The following ST7 variants were observed in gnomAD, a reference collection of about 807,000 sequenced individuals.
ST7 encodes suppression of tumorigenicity 7, also known as suppressor of tumorigenicity 7 protein.
Under a neutral mutation model 78.7 loss-of-function variants are expected in ST7, and 28 were observed. That is an observed-to-expected ratio of 0.36 (90% CI 0.26 to 0.49). The LOEUF (loss-of-function observed/expected upper bound fraction) is 0.49, where lower values mean the gene tolerates loss of function less well. Ranked by LOEUF, ST7 falls within the 20% of genes least tolerant of loss-of-function variation. ST7 has a pLI of 0.99. For missense variants in ST7, 418 were observed against 696.0 expected (o/e 0.60, Z 4.49); for synonymous variants, 247 against 249.6 (o/e 0.99, Z 0.10).
At chr7:117,011,359 G>T (rs1031522289) in intron 1 of ST7, among the ~76,000 whole-genome samples, 1 of 152,138 alleles carries the variant, frequency 6.6e-6, no homozygotes, top group Non-Finnish European at 1.5e-5. Flanking sequence ...AGGGGACAGT[G>T]GGGGCTAGAA....
rs1045948624 is a variant in ST7, at chr7:117,001,906, T to G, written c.151+48215T>G. ...GGGAAAGTACATGGACAAGACATTA[T>G]GTGTTATGAACATACTTTCTTTTTA... is the stretch of plus-strand genomic sequence containing the variant. On this transcript the variant is annotated intron_variant, in intron 1 of 15. Coordinates refer to ENST00000323984, the MANE Select transcript of ST7 (RefSeq NM_001369598.1). Among the ~76,000 whole-genome samples, 3 of 152,190 alleles carry G rather than the reference T, an allele frequency of 2.0e-5. No homozygotes were observed. The East Asian group carries it at 5.8e-4, about 29-fold the overall frequency.
chr7:117,190,108 T>G lies in ST7; in HGVS notation c.1151+715T>G, dbSNP rs1222040183. 1 of 166,888 alleles carries G rather than the reference T, an allele frequency of 6.0e-6. No individual in the cohort carries two copies. The highest frequency in any genetic ancestry group is 1.5e-5 in the Non-Finnish European group (1 of 68,180). 10.3% of individuals were successfully genotyped at this position (166,888 alleles called of 1,614,324 possible). Reference sequence around the variant, plus strand: ...GTACACTTCAAGACCAAAGTAATTTTCTTTCATTCTTTTTTATCCTGTAGA... The same window carrying G: ...GTACACTTCAAGACCAAAGTAATTTGCTTTCATTCTTTTTTATCCTGTAGA... On this transcript the variant is annotated intron_variant, in intron 11 of 15. Transcript: ENST00000323984. The surrounding 1 kb of genome is among the most constrained non-coding windows in gnomAD (Gnocchi z 5.2).
chr7:117,114,837 T>C (rs1296681627), intron 2 of ST7, among the ~76,000 whole-genome samples: 1 of 152,202 alleles, frequency 6.6e-6, no homozygotes, highest in Non-Finnish European at 1.5e-5. Context: ...GCAAGATTGA[T>C]GGAAAGGCCT....
At chr7:116,958,154 C>A (rs994730046) in intron 1 of ST7, among the ~76,000 whole-genome samples, 2 of 137,876 alleles carry the variant, frequency 1.5e-5, no homozygotes, top group Non-Finnish European at 3.1e-5. Context: ...CACCACAGTG[C>A]GTGGCTAATT....
At chr7:117,175,689 A>C (rs1808295665) in intron 10 of ST7, among the ~76,000 whole-genome samples, 2 of 152,226 alleles carry the variant, frequency 1.3e-5, no homozygotes, top group African/African-American at 4.8e-5. Flanking sequence ...TAACTTGCCC[A>C]AGATCACACA....
chr7:117,021,088 T>C (rs1313827536), intron 1 of ST7, among the ~76,000 whole-genome samples: 1 of 152,182 alleles, frequency 6.6e-6, no homozygotes, highest in Non-Finnish European at 1.5e-5. Context: ...AACATAGACA[T>C]TATAGGTAGA....
intron 12 of ST7, among the ~76,000 whole-genome samples, chr7:117,195,684 C>G (rs773151299): frequency 6.6e-6 from 1 of 152,180 alleles, no homozygotes; most frequent in Non-Finnish European, 1.5e-5. Context: ...TGAAAACTCA[C>G]TCACTATCAT....
At chr7:117,135,952 G>A in intron 7 of ST7, 129 bp from the exon 8 acceptor site, 1 of 878,228 alleles carries the variant, frequency 1.1e-6, no homozygotes, top group East Asian at 2.5e-5. Flanking sequence ...ACTACAAACA[G>A]GAGTGCATGA....
chr7:116,979,031 AC>A (rs1793828469), intron 1 of ST7, among the ~76,000 whole-genome samples: 1 of 152,212 alleles, frequency 6.6e-6, no homozygotes. Context: ...GGGAGCCATG[AC>A]CATCCTTGGG....
In ST7 at chr7:117,209,045, G is replaced by C. The variant is rs563605806; in HGVS notation, c.1255-742G>C. ...AAAATTGCTCCCTATCTATCCTATA[G>C]TAAAACAAAAGAATAAAAATGGAAA... On this transcript the variant is annotated intron_variant, in intron 12 of 15. Coordinates refer to ENST00000323984, the MANE Select transcript of ST7 (RefSeq NM_001369598.1). 2.6e-5 allele frequency among the ~76,000 whole-genome samples: 4 copies of C among 152,064 alleles called. No individual in the cohort carries two copies. The East Asian group carries it at 7.7e-4, about 29-fold the overall frequency.
At chr7:117,000,154 T>C (rs1489458086) in intron 1 of ST7, among the ~76,000 whole-genome samples, 1 of 152,212 alleles carries the variant, frequency 6.6e-6, no homozygotes, top group Admixed American at 6.5e-5. Flanking sequence ...TGTTTGGAGA[T>C]GAACCGTGGA....
chr7:116,964,030 G>C (rs866335766), intron 1 of ST7, among the ~76,000 whole-genome samples: 5 of 152,074 alleles, frequency 3.3e-5, no homozygotes, highest in Non-Finnish European at 7.4e-5. Context: ...CAGTGAGGAA[G>C]GACTATTTGT....
intron 9 of ST7, among the ~76,000 whole-genome samples, chr7:117,143,302 A>G (rs1805480523): frequency 6.6e-6 from 1 of 152,022 alleles, no homozygotes; most frequent in Non-Finnish European, 1.5e-5. Flanking sequence ...TCTGTTTGCA[A>G]CACTACCTCT....
At chr7:117,201,845 C>G (rs1033832000) in intron 12 of ST7, among the ~76,000 whole-genome samples, 2 of 152,148 alleles carry the variant, frequency 1.3e-5, no homozygotes, top group Non-Finnish European at 2.9e-5. Context: ...GACACCTTCT[C>G]TCTGTGCCAC....
chr7:117,055,494 A>C (rs1798015731), intron 1 of ST7, among the ~76,000 whole-genome samples: 2 of 152,044 alleles, frequency 1.3e-5, no homozygotes. Flanking sequence ...CAACTTATAC[A>C]TGAAGAAACT....
chr7:117,016,549 A>T (rs1181772934), intron 1 of ST7, among the ~76,000 whole-genome samples: 1 of 152,200 alleles, frequency 6.6e-6, no homozygotes, highest in African/African-American at 2.4e-5. Context: ...TAAGATGTAC[A>T]GCCTTAACAT....
intron 10 of ST7, among the ~76,000 whole-genome samples, chr7:117,175,984 A>T (rs979491555): frequency 6.6e-6 from 1 of 152,218 alleles, no homozygotes; most frequent in Admixed American, 6.5e-5. Context: ...TAGATATTTG[A>T]TAAGAACTAA....
chr7:117,094,800 AT>A (rs1414909986), intron 1 of ST7, among the ~76,000 whole-genome samples: 1 of 151,836 alleles, frequency 6.6e-6, no homozygotes. Flanking sequence ...AGTCCCTTCC[AT>A]TGTTTTTTTG....
At chr7:116,955,029 T>A (rs1280729095) in intron 1 of ST7, 1 of 444,470 alleles carries the variant, frequency 2.2e-6, no homozygotes, top group Non-Finnish European at 4.6e-6. Context: ...TCTAGAATTG[T>A]CTCACCATTT....
Sources: allele counts gnomAD v4.1 joint callset (sites outside exome capture counted in the v4.1 genomes callset), GRCh38; gene constraint gnomAD v4.1.1; non-coding constraint Gnocchi (gnomAD v3.1); transcripts MANE v1.5; gene names NCBI Gene and HGNC (gene_info 2026-07-23, HGNC 2026-07-21).